The following ABCC2 variants were observed in gnomAD, a reference collection of about 807,000 sequenced individuals.
The protein encoded by ABCC2 is ATP binding cassette subfamily C member 2.
ABCC2 carries 157 observed loss-of-function variants against 173.4 expected under a neutral mutation model. That is an observed-to-expected ratio of 0.91 (90% CI 0.80 to 1.03). The LOEUF (loss-of-function observed/expected upper bound fraction) is 1.03, where lower values mean the gene tolerates loss of function less well. Among genes scored for constraint, ABCC2 ranks in the 50% least tolerant of loss-of-function variants. ABCC2 has a pLI of 0.00. For missense variants in ABCC2, 1,822 were observed against 1,852.3 expected (o/e 0.98, Z 0.30); for synonymous variants, 657 against 693.5 (o/e 0.95, Z 0.83).
At chr10:99,849,677 A>C (rs1220558044) in intron 30 of ABCC2, among the ~76,000 whole-genome samples, 1 of 152,222 alleles carries the variant, frequency 6.6e-6, no homozygotes, top group African/African-American at 2.4e-5. Flanking sequence ...GGAGTTTGGT[A>C]CAAGCTAAGT....
At chr10:99,834,316 G>T in intron 23 of ABCC2, 64 bp from the exon 24 acceptor site, 1 of 1,521,048 alleles carries the variant, frequency 6.6e-7, no homozygotes, top group Non-Finnish European at 9.1e-7. Flanking sequence ...GCTAGAACTA[G>T]GAAGATGTAA....
Position 99,850,641 on chromosome 10 carries a change from G to A in ABCC2, c.4353G>A (p.Leu1451=), listed in dbSNP as rs749582129. ...QRQLLCLGRA[L]LRKSKILVLD... ...AGCTGCTGTGCCTGGGCAGGGCTCT[G>A]CTTCGGAAATCCAAGATCCTGGTCC... Residue 1451 remains leucine (L), a synonymous_variant, in exon 31 of 32, where the codon CTG becomes CTA. Coordinates refer to ENST00000647814, the MANE Select transcript of ABCC2 (RefSeq NM_000392.5). 1 of 1,614,120 alleles carries A rather than the reference G, an allele frequency of 6.2e-7. No homozygotes were observed. The highest frequency in any genetic ancestry group is 1.7e-5 in the Admixed American group (1 of 60,014).
chr10:99,797,187 G>A lies in ABCC2; in HGVS notation c.723G>A (p.Lys241=), dbSNP rs760604165. The A allele has an allele frequency of 1.2e-6, 2 of 1,614,058 alleles. No individual in the cohort carries two copies. Among genetic ancestry groups the A allele is most frequent in the Non-Finnish European group, 1.7e-6 (2 of 1,180,022 alleles). The part of the protein sequence containing the change: ...EEMKTKTLVS[K]FETHMKRELQ... ...TGAAAACCAAGACATTAGTGAGCAA[G>A]TTTGAAACGCACATGAAGAGAGAGC... Residue 241 remains lysine, a synonymous_variant, in exon 7 of 32, where the codon AAG becomes AAA. Transcript: ENST00000647814.
intron 7 of ABCC2, 71 bp downstream of exon 7, chr10:99,797,402 A>G (rs2037937047): frequency 1.5e-6 from 2 of 1,367,740 alleles, no homozygotes; most frequent in Admixed American, 2.0e-5. Flanking sequence ...CATCATGGCG[A>G]TTCTGTCCTT....
intron 13 of ABCC2, among the ~76,000 whole-genome samples, chr10:99,809,675 T>C (rs2038175439): frequency 6.6e-6 from 1 of 152,250 alleles, no homozygotes; most frequent in East Asian, 1.9e-4. Flanking sequence ...ACCTGCCATT[T>C]AAGCTTCGGC....
chr10:99,783,901 A>G lies in ABCC2; in HGVS notation c.34-707A>G, dbSNP rs1275672468. On this transcript the variant is annotated intron_variant, in intron 1 of 31. Coordinates refer to ENST00000647814, the MANE Select transcript of ABCC2 (RefSeq NM_000392.5). ...GCAAGCAATTCTTTAAAGAGTCTGT[A>G]TAAATAATCATATAAAACAATTTTT... is the stretch of plus-strand genomic sequence containing the variant. 2.0e-5 allele frequency among the ~76,000 whole-genome samples: 3 copies of G among 152,338 alleles called. No homozygotes were observed. The East Asian group carries it at 5.8e-4, about 29-fold the overall frequency.
At chr10:99,794,924 A>T (rs2037872834) in intron 6 of ABCC2, among the ~76,000 whole-genome samples, 1 of 152,224 alleles carries the variant, frequency 6.6e-6, no homozygotes, top group African/African-American at 2.4e-5. Context: ...CTTACAGACC[A>T]ACTTAATCCA....
chr10:99,811,122 A>G (rs932523138), intron 14 of ABCC2, among the ~76,000 whole-genome samples: 2 of 151,900 alleles, frequency 1.3e-5, no homozygotes, highest in Non-Finnish European at 2.9e-5. Context: ...CTTGAGTCCA[A>G]GAGTTCGAGA....
chr10:99,784,469 A>G, intron 1 of ABCC2, 139 bp from the exon 2 acceptor site: 1 of 952,852 alleles, frequency 1.0e-6, no homozygotes, highest in Non-Finnish European at 1.7e-6. Flanking sequence ...AAATAGGAAA[A>G]TACGGATAGT....
chr10:99,795,230 C>T (rs988896760), intron 6 of ABCC2, among the ~76,000 whole-genome samples: 1 of 151,948 alleles, frequency 6.6e-6, no homozygotes, highest in African/African-American at 2.4e-5. Context: ...ACATTGGATT[C>T]TAAAGAAAAC....
intron 30 of ABCC2, among the ~76,000 whole-genome samples, chr10:99,848,829 C>G (rs1050089201): frequency 1.3e-5 from 2 of 152,134 alleles, no homozygotes; most frequent in African/African-American, 4.8e-5. Flanking sequence ...TAGAGAACAT[C>G]GTCAGTTTAC....
chr10:99,850,946 G>A lies in ABCC2; in HGVS notation c.4508+150G>A. Reference sequence around the variant, plus strand: ...AGACTTAGAGATGTCAAGTAATCTGGCCAAAATTTTACATCACGCAAATGA... The same window carrying A: ...AGACTTAGAGATGTCAAGTAATCTGACCAAAATTTTACATCACGCAAATGA... On this transcript the variant is annotated intron_variant, in intron 31 of 31. Coordinates refer to ENST00000647814, the MANE Select transcript of ABCC2 (RefSeq NM_000392.5). 6 of 1,011,470 alleles carry A rather than the reference G, an allele frequency of 5.9e-6. No homozygotes were observed. In the South Asian group the frequency reaches 8.2e-5, roughly 14 times the overall value. 62.7% of individuals were successfully genotyped at this position (1,011,470 alleles called of 1,614,324 possible).
At chr10:99,814,745 G>A (rs1469249092) in intron 16 of ABCC2, among the ~76,000 whole-genome samples, 17 of 141,698 alleles carry the variant, frequency 1.2e-4, no homozygotes, top group East Asian at 4.3e-4. Context: ...ATGTGTATAT[G>A]TATGTATATA....
At chr10:99,805,753 C>T (rs2038089182) in intron 11 of ABCC2, among the ~76,000 whole-genome samples, 3 of 152,158 alleles carry the variant, frequency 2.0e-5, no homozygotes, top group Admixed American at 2.0e-4. Context: ...TCAGCATGAC[C>T]TAACTAGTTT....
intron 19 of ABCC2, among the ~76,000 whole-genome samples, chr10:99,821,949 T>C (rs2038546220): frequency 6.6e-6 from 1 of 151,922 alleles, no homozygotes; most frequent in Non-Finnish European, 1.5e-5. Context: ...CCAACCAATT[T>C]TGGACTGCAG....
intron 2 of ABCC2, among the ~76,000 whole-genome samples, chr10:99,787,861 G>A (rs1160139509): frequency 6.6e-6 from 1 of 151,942 alleles, no homozygotes; most frequent in Non-Finnish European, 1.5e-5. Flanking sequence ...CCAGCATTTC[G>A]AGACCAGCCT....
chr10:99,843,286 T>C (rs1401051433), intron 26 of ABCC2, among the ~76,000 whole-genome samples: 1 of 152,208 alleles, frequency 6.6e-6, no homozygotes, highest in Non-Finnish European at 1.5e-5. Flanking sequence ...CTACACAAAG[T>C]GGATACTCTG....
rs1277202290 is a variant in ABCC2 at position 99,817,500 on chromosome 10, A to G, written c.2271+16A>G. The G allele has an allele frequency of 3.7e-6, 6 of 1,613,888 alleles. No homozygotes were observed. The highest frequency in any genetic ancestry group is 4.2e-6 in the Non-Finnish European group (5 of 1,179,942). On this transcript the variant is annotated intron_variant, in intron 17 of 31. Transcript: ENST00000647814. ...TGGAGAGAAGGTACTTGGGATAACA[A>G]GGGATCTTCAAGGGTGAAGGCATAT... is the stretch of plus-strand genomic sequence containing the variant.
At position 99,834,384 on chromosome 10, in the gene ABCC2, T is replaced by C. The variant is rs1186933294; in HGVS notation, c.3263T>C (p.Ile1088Thr). 1 of 1,614,024 alleles carries C rather than the reference T, an allele frequency of 6.2e-7. No homozygotes were observed. The highest frequency in any genetic ancestry group is 8.5e-7 in the Non-Finnish European group (1 of 1,180,006). The change falls in exon 24 of 32, where the codon ATT becomes ACT. Residue 1088 changes from isoleucine to threonine, a missense_variant. Ile to Thr is a moderately conservative substitution (Grantham distance 89). Transcript: ENST00000647814. ...GRIVNRFAGD[I>T]STVDDTLPQS... is the part of the protein sequence containing the mutation. ...CTCTCCTAATCGTTTTCCTAGGATATTTCCACAGTGGATGACACCCTGCCT... is the reference window on the plus strand; with the variant it reads ...CTCTCCTAATCGTTTTCCTAGGATACTTCCACAGTGGATGACACCCTGCCT...
Sources: allele counts gnomAD v4.1 joint callset (sites outside exome capture counted in the v4.1 genomes callset), GRCh38; gene constraint gnomAD v4.1.1; transcripts MANE v1.5; gene names NCBI Gene and HGNC (gene_info 2026-07-23, HGNC 2026-07-21).